Variants in IHO1 observed in about 807,000 individuals in gnomAD.
IHO1 encodes the protein interactor of HORMAD1 1.
In IHO1, 13 loss-of-function variants were observed where a neutral mutation model predicts 31.0. The observed-to-expected ratio is 0.42, with a 90% CI of 0.27 to 0.67. The LOEUF is 0.67. Ranked by LOEUF, IHO1 falls within the 30% of genes least tolerant of loss-of-function variation. IHO1 has a pLI of 0.24. For synonymous variants in IHO1, 221 were observed against 248.4 expected (o/e 0.89, Z 1.04); for missense variants, 599 against 687.5 (o/e 0.87, Z 1.44).
In IHO1 at chr3:49,256,726, A is replaced by T; in HGVS notation, c.1229A>T (p.Lys410Ile). 6.2e-7 allele frequency: 1 copy of T among 1,614,228 alleles called. No homozygotes were observed. Among genetic ancestry groups the T allele is most frequent in the Non-Finnish European group, 8.5e-7 (1 of 1,180,044 alleles). ...FSTSIKNACQKYQAQSMFLCD... is the reference protein window; with the variant it reads ...FSTSIKNACQIYQAQSMFLCD... ...ACCAGCATTAAGAATGCCTGCCAAAAATATCAAGCCCAAAGTATGTTTTTG... is the reference window on the plus strand; with the variant it reads ...ACCAGCATTAAGAATGCCTGCCAAATATATCAAGCCCAAAGTATGTTTTTG... The change falls in exon 8 of 8, where the codon AAA becomes ATA. Residue 410 changes from lysine to isoleucine, a missense_variant. Coordinates refer to ENST00000452691, the MANE Select transcript of IHO1 (RefSeq NM_001135197.2). The surrounding 1 kb of genome is among the most constrained non-coding windows in gnomAD (Gnocchi z 4.6).
At chr3:49,217,852 T>C (rs1331256559) in intron 2 of IHO1, among the ~76,000 whole-genome samples, 1 of 152,176 alleles carries the variant, frequency 6.6e-6, no homozygotes, top group Non-Finnish European at 1.5e-5. Context: ...TGTTAGAATC[T>C]AATACTGGTA....
intron 4 of IHO1, among the ~76,000 whole-genome samples, chr3:49,243,104 A>G (rs2046651684): frequency 6.6e-6 from 1 of 151,664 alleles, no homozygotes; most frequent in Non-Finnish European, 1.5e-5. Flanking sequence ...GTTCATGTCC[A>G]TGAGTTTTCA....
intron 1 of IHO1, among the ~76,000 whole-genome samples, chr3:49,204,869 A>G (rs1242456957): frequency 6.6e-6 from 1 of 152,146 alleles, no homozygotes; most frequent in Non-Finnish European, 1.5e-5. Flanking sequence ...CTAAAAAAAA[A>G]TACAAAAAAT....
At chr3:49,235,569 C>G (rs1306438227) in intron 2 of IHO1, among the ~76,000 whole-genome samples, 1 of 151,956 alleles carries the variant, frequency 6.6e-6, no homozygotes, top group African/African-American at 2.4e-5. Context: ...GCTGCTGAAT[C>G]AGCTAATGCA....
chr3:49,225,022 C>T (rs1016295488), intron 2 of IHO1, among the ~76,000 whole-genome samples: 3 of 152,186 alleles, frequency 2.0e-5, no homozygotes, highest in Admixed American at 6.5e-5. Flanking sequence ...GTCACTAAGA[C>T]GGCCACTGCC....
chr3:49,196,603 C>A (rs2045997977), upstream of IHO1, among the ~76,000 whole-genome samples: 1 of 152,036 alleles, frequency 6.6e-6, no homozygotes, highest in South Asian at 2.1e-4. Flanking sequence ...GTGGCTTAGC[C>A]TCCCCAGTAG....
chr3:49,228,166 C>T (rs1343097109), intron 2 of IHO1, among the ~76,000 whole-genome samples: 2 of 152,062 alleles, frequency 1.3e-5, no homozygotes, highest in Non-Finnish European at 2.9e-5. Context: ...GGTGAGTCTC[C>T]CTTGGGTGAC....
intron 2 of IHO1, among the ~76,000 whole-genome samples, chr3:49,224,908 G>C (rs760316520): frequency 1.9e-4 from 29 of 152,178 alleles, no homozygotes; most frequent in Non-Finnish European, 3.8e-4. Context: ...TATCTAAGTA[G>C]GCAGTTGTCT....
intron 2 of IHO1, among the ~76,000 whole-genome samples, chr3:49,234,732 C>T (rs561688523): frequency 3.3e-5 from 5 of 152,308 alleles, no homozygotes; most frequent in Middle Eastern, 6.8e-3. Context: ...CCTGTAGGCA[C>T]ACACACTAAA....
intron 2 of IHO1, among the ~76,000 whole-genome samples, chr3:49,219,725 C>T (rs886586162): frequency 6.6e-6 from 1 of 152,138 alleles, no homozygotes; most frequent in African/African-American, 2.4e-5. Flanking sequence ...TAGAGCTAAG[C>T]TGGAGGACAC....
chr3:49,191,466 G>T, the IHO1 span, among the ~76,000 whole-genome samples: 1 of 152,148 alleles, frequency 6.6e-6, no homozygotes, highest in African/African-American at 2.4e-5. Context: ...AGCTTGGGAG[G>T]CTCAAACAAT....
chr3:49,229,187 C>T (rs1575577314), intron 2 of IHO1, among the ~76,000 whole-genome samples: 1 of 152,166 alleles, frequency 6.6e-6, no homozygotes, highest in South Asian at 2.1e-4. Context: ...ATTTACAATC[C>T]TCTAGCTAGA....
At chr3:49,221,633 A>G (rs1401306598) in intron 2 of IHO1, among the ~76,000 whole-genome samples, 1 of 152,098 alleles carries the variant, frequency 6.6e-6, no homozygotes, top group African/African-American at 2.4e-5. Context: ...CCAGAGGGGA[A>G]CTCTCTAGGC....
chr3:49,239,213 C>A (rs2107723238), intron 3 of IHO1, among the ~76,000 whole-genome samples: 2 of 151,966 alleles, frequency 1.3e-5, no homozygotes, highest in Non-Finnish European at 2.9e-5. Context: ...CTCAAGTGAT[C>A]CACCTGCATT....
At chr3:49,201,379 G>C (rs555541623) in intron 1 of IHO1, among the ~76,000 whole-genome samples, 1 of 151,964 alleles carries the variant, frequency 6.6e-6, no homozygotes, top group South Asian at 2.1e-4. Flanking sequence ...AGGCCAAGGC[G>C]GGTGGATCAC....
At chr3:49,255,341 A>G in intron 6 of IHO1, 49 bp from the exon 7 acceptor site, 7 of 1,319,870 alleles carry the variant, frequency 5.3e-6, no homozygotes, top group Non-Finnish European at 6.3e-6. Flanking sequence ...CAGATGGGAC[A>G]TACCATACAT....
rs2046832549 is a variant in IHO1, at chr3:49,256,870, C to T, written c.1373C>T (p.Ala458Val). ...AHRAHRGRLIASKQKQIPIQT... is the reference protein window; with the variant it reads ...AHRAHRGRLIVSKQKQIPIQT... ...AGGGCCCACAGAGGCAGGCTCATAG[C>T]CAGCAAGCAAAAACAAATCCCAATC... The change falls in exon 8 of 8, where the codon GCC (alanine) becomes GTC (valine). Residue 458 changes from alanine (A) to valine (V), a missense_variant. By Grantham distance (64) the Ala-to-Val change is moderately conservative. Transcript: ENST00000452691. The surrounding 1 kb of genome is among the most constrained non-coding windows in gnomAD (Gnocchi z 4.6). 6.2e-7 allele frequency: 1 copy of T among 1,614,188 alleles called. No homozygotes were observed. Among genetic ancestry groups the T allele is most frequent in the African/African-American group, 1.3e-5 (1 of 75,046 alleles).
Position 49,231,016 on chromosome 3 carries a change from T to A in IHO1, c.57-5532T>A, listed in dbSNP as rs13070414. On this transcript the variant is annotated intron_variant, in intron 2 of 7. Coordinates refer to ENST00000452691, the MANE Select transcript of IHO1 (RefSeq NM_001135197.2). ...GAATAGATACAGAGAAGACTCTAGA[T>A]TTGCTAATTTTTCCAGCTCATCATT... 1.8e-3 allele frequency among the ~76,000 whole-genome samples: 271 copies of A among 152,298 alleles called. 1 individual carries two copies. The highest frequency in any genetic ancestry group is 3.1e-3 in the East Asian group (16 of 5,190).
intron 2 of IHO1, chr3:49,228,356 C>T (rs1230044144): frequency 2.2e-6 from 1 of 447,876 alleles, no homozygotes; most frequent in East Asian, 7.1e-5. Context: ...TGTTAGAGAG[C>T]CCTTTCCTAG....
Sources: allele counts gnomAD v4.1 joint callset (sites outside exome capture counted in the v4.1 genomes callset), GRCh38; gene constraint gnomAD v4.1.1; non-coding constraint Gnocchi (gnomAD v3.1); transcripts MANE v1.5; gene names NCBI Gene and HGNC (gene_info 2026-07-23, HGNC 2026-07-21).